HS6ST3: variants seen among roughly 807,000 people sequenced by gnomAD.
HS6ST3 encodes the protein heparan sulfate 6-O-sulfotransferase 3.
In HS6ST3, 12 loss-of-function variants were observed where a neutral mutation model predicts 36.7. The ratio of observed to expected loss-of-function variants is 0.33; its 90% confidence interval spans 0.21 to 0.53. The LOEUF is 0.53. HS6ST3 is among the 20% of genes least tolerant of loss of function. The pLI, the probability that HS6ST3 is intolerant of heterozygous loss-of-function variation, is 0.95. For synonymous variants in HS6ST3, 240 were observed against 257.5 expected (o/e 0.93, Z 0.65); for missense variants, 584 against 640.9 (o/e 0.91, Z 0.96).
chr13:96,800,836 A>G (rs1878047174), intron 1 of HS6ST3, among the ~76,000 whole-genome samples: 1 of 152,062 alleles, frequency 6.6e-6, no homozygotes, highest in African/African-American at 2.4e-5. Context: ...CATTCACATT[A>G]GTATATAGAC....
intron 1 of HS6ST3, among the ~76,000 whole-genome samples, chr13:96,198,208 G>T (rs909560693): frequency 1.3e-5 from 2 of 152,202 alleles, no homozygotes; most frequent in African/African-American, 4.8e-5. Flanking sequence ...GGCACCAAGT[G>T]CCTGGGCTGT....
intron 1 of HS6ST3, among the ~76,000 whole-genome samples, chr13:96,686,061 A>G (rs1460614066): frequency 6.6e-6 from 1 of 151,990 alleles, no homozygotes; most frequent in African/African-American, 2.4e-5. Flanking sequence ...TGGAAACGTA[A>G]CCCATCATTA....
chr13:96,112,613 A>ATATATATGTATATATATATG (rs1566884954), intron 1 of HS6ST3, among the ~76,000 whole-genome samples: 4 of 110,734 alleles, frequency 3.6e-5, no homozygotes, highest in African/African-American at 1.3e-4. Flanking sequence ...ATATATATAT[A>ATATATATGTATATATATATG]TATATATATG....
intron 1 of HS6ST3, among the ~76,000 whole-genome samples, chr13:96,538,660 T>C (rs1284001661): frequency 1.3e-5 from 2 of 152,088 alleles, no homozygotes; most frequent in African/African-American, 4.8e-5. Context: ...GCCAGGCTAG[T>C]CTTGAACTCC....
chr13:96,626,130 C>T (rs1008533207), intron 1 of HS6ST3, among the ~76,000 whole-genome samples: 7 of 152,206 alleles, frequency 4.6e-5, no homozygotes, highest in Middle Eastern at 3.2e-3. Flanking sequence ...GCGTGAGCCA[C>T]ATCGCCCGGC....
intron 1 of HS6ST3, among the ~76,000 whole-genome samples, chr13:96,347,041 C>T (rs1197373532): frequency 6.6e-6 from 1 of 152,136 alleles, no homozygotes; most frequent in African/African-American, 2.4e-5. Context: ...ACTACATAGG[C>T]AGGGCGCGGG....
At position 96,832,488 on chromosome 13, in the gene HS6ST3, A is replaced by C; in HGVS notation, c.708-2A>C. 1 of 1,541,000 alleles carries C rather than the reference A, an allele frequency of 6.5e-7. No individual in the cohort carries two copies. Among genetic ancestry groups the C allele is most frequent in the Non-Finnish European group, 8.7e-7 (1 of 1,145,272 alleles). ...TGATGCTCTTCCTCTAATTTCTTCT[A>C]GGAATTTCTATTACATCACAATGTT... On this transcript the variant is annotated splice_acceptor_variant, in intron 1 of 1. Coordinates refer to ENST00000376705, the MANE Select transcript of HS6ST3 (RefSeq NM_153456.4). LOFTEE classifies it high-confidence loss of function.
chr13:96,317,355 TATATATATATATAAAATTATATATA>T (rs2054978459), intron 1 of HS6ST3, among the ~76,000 whole-genome samples: 1 of 71,162 alleles, frequency 1.4e-5, no homozygotes, highest in African/African-American at 8.5e-5. Context: ...TATATATATA[TATATATATATATAAAATTATATATA>T]TATATATATA....
At chr13:96,478,906 TCC>T (rs1362354068) in intron 1 of HS6ST3, among the ~76,000 whole-genome samples, 1 of 152,194 alleles carries the variant, frequency 6.6e-6, no homozygotes, top group Non-Finnish European at 1.5e-5. Flanking sequence ...CCTTTCTCTT[TCC>T]TTCTGTCCTA....
At chr13:96,712,082 G>T (rs551920809) in intron 1 of HS6ST3, among the ~76,000 whole-genome samples, 1 of 152,078 alleles carries the variant, frequency 6.6e-6, no homozygotes, top group African/African-American at 2.4e-5. Context: ...CTCTAATATG[G>T]TGTATTTGTC....
chr13:96,156,330 GT>G (rs1183083052), intron 1 of HS6ST3, among the ~76,000 whole-genome samples: 2 of 152,162 alleles, frequency 1.3e-5, no homozygotes, highest in Non-Finnish European at 2.9e-5. Flanking sequence ...GCTTCTTACA[GT>G]GCAGACAAGA....
intron 1 of HS6ST3, among the ~76,000 whole-genome samples, chr13:96,601,532 C>T (rs1566408402): frequency 6.6e-6 from 1 of 151,750 alleles, no homozygotes; most frequent in East Asian, 1.9e-4. Context: ...TGTTTCATTT[C>T]TTTATGTTGG....
chr13:96,215,894 T>C (rs907285588), intron 1 of HS6ST3, among the ~76,000 whole-genome samples: 2 of 152,198 alleles, frequency 1.3e-5, no homozygotes, highest in African/African-American at 4.8e-5. Context: ...AGGGTTGTTG[T>C]GAAGGTTAAC....
At chr13:96,383,698 T>A (rs2055353338) in intron 1 of HS6ST3, among the ~76,000 whole-genome samples, 1 of 146,886 alleles carries the variant, frequency 6.8e-6, no homozygotes, top group African/African-American at 2.5e-5. Context: ...CAAACAGTTC[T>A]GCAAGGGGAC....
intron 1 of HS6ST3, among the ~76,000 whole-genome samples, chr13:96,432,076 A>G (rs185187122): frequency 2.1e-3 from 323 of 152,298 alleles, no homozygotes; most frequent in Middle Eastern, 6.8e-3. Flanking sequence ...CCTTCCCAGA[A>G]CAAAGTATGG....
rs547835399 is a variant in HS6ST3, at chr13:96,508,451, C to T, written c.708-324039C>T. ...AGATGAATTATATAGTGGTGAATTC[C>T]GAAATTTTAGGGCACCCATCACCTG... On this transcript the variant is annotated intron_variant, in intron 1 of 1. Coordinates refer to ENST00000376705, the MANE Select transcript of HS6ST3 (RefSeq NM_153456.4). Among the ~76,000 whole-genome samples the T allele has an allele frequency of 7.9e-5, 12 of 151,994 alleles. No homozygotes were observed. In the East Asian group the frequency reaches 1.7e-3, roughly 22 times the overall value.
chr13:96,248,530 T>G (rs989918049), intron 1 of HS6ST3, among the ~76,000 whole-genome samples: 1 of 152,324 alleles, frequency 6.6e-6, no homozygotes, highest in African/African-American at 2.4e-5. Context: ...GGAAGGTTTC[T>G]TTGTGTACTG....
At chr13:96,274,673 C>T (rs2054738762) in intron 1 of HS6ST3, among the ~76,000 whole-genome samples, 2 of 152,054 alleles carry the variant, frequency 1.3e-5, no homozygotes, top group Non-Finnish European at 2.9e-5. Context: ...CTAAGTAAAG[C>T]TAACTGACCC....
intron 1 of HS6ST3, among the ~76,000 whole-genome samples, chr13:96,615,094 C>A (rs2056469546): frequency 6.6e-6 from 1 of 151,854 alleles, no homozygotes; most frequent in African/African-American, 2.4e-5. Context: ...TTGAAAATTT[C>A]TTATATTAGT....
Sources: allele counts gnomAD v4.1 joint callset (sites outside exome capture counted in the v4.1 genomes callset), GRCh38; gene constraint gnomAD v4.1.1; transcripts MANE v1.5; gene names NCBI Gene and HGNC (gene_info 2026-07-23, HGNC 2026-07-21).